RBMS2: variants seen among roughly 807,000 people sequenced by gnomAD.
RBMS2 encodes the protein RNA binding motif single stranded interacting protein 2.
A neutral mutation model predicts 58.4 loss-of-function variants in RBMS2; 38 were observed. That is an observed-to-expected ratio of 0.65 (90% confidence interval 0.50 to 0.85). The LOEUF is 0.85. Among genes scored for constraint, RBMS2 ranks in the 40% least tolerant of loss-of-function variants. The pLI, the probability that RBMS2 is intolerant of heterozygous loss-of-function variation, is 0.00. For missense variants in RBMS2, 367 were observed against 503.7 expected, an observed-to-expected ratio of 0.73 and a Z score of 2.60; for synonymous variants, 151 against 180.7, an observed-to-expected ratio of 0.84 and a Z score of 1.32.
chr12:56,595,132 G>C lies in RBMS2; in HGVS notation c.*5999G>C, dbSNP rs1374155819. On this transcript the variant is annotated 3_prime_UTR_variant, in exon 14 of 14. Transcript: ENST00000262031. ...GACACCAGCATAGGAGCAGAGTTTA[G>C]AACTTAAGAGGACAAGAAAGCTGCT... The C allele has an allele frequency of 6.6e-6, 1 of 152,174 alleles. No homozygotes were observed. The highest frequency in any genetic ancestry group is 1.5e-5 in the Non-Finnish European group (1 of 68,044). 9.4% of individuals were successfully genotyped at this position (152,174 alleles called of 1,614,324 possible).
chr12:56,526,617 T>G (rs1207476992), intron 1 of RBMS2, among the ~76,000 whole-genome samples: 9 of 142,810 alleles, frequency 6.3e-5, no homozygotes, highest in African/African-American at 1.3e-4. Flanking sequence ...TAATTTTGTG[T>G]TTTTTTTTTT....
intron 1 of RBMS2, among the ~76,000 whole-genome samples, chr12:56,535,560 C>T (rs7314300): frequency 0.42 from 62,804 of 150,878 alleles, 14,764 homozygotes; most frequent in East Asian, 0.6. Flanking sequence ...TATGACGGAA[C>T]TCTCAACTTG....
upstream of RBMS2, among the ~76,000 whole-genome samples, chr12:56,521,511 T>TTTTTTG (rs1270787700): frequency 6.8e-6 from 1 of 146,570 alleles, no homozygotes; most frequent in African/African-American, 2.5e-5. Context: ...TGTTTTTTTT[T>TTTTTTG]TTTTTTTTTT....
intron 1 of RBMS2, among the ~76,000 whole-genome samples, chr12:56,530,852 G>A (rs568829268): frequency 6.6e-6 from 1 of 151,984 alleles, no homozygotes; most frequent in African/African-American, 2.4e-5. Flanking sequence ...ATGGCCTTTC[G>A]TTTCATTTGT....
At position 56,592,512 on chromosome 12, in the gene RBMS2, A is replaced by T. The variant is rs1592529065; in HGVS notation, c.*3379A>T. On this transcript the variant is annotated 3_prime_UTR_variant, in exon 14 of 14. Transcript: ENST00000262031. ...GATGATGATGGAGAGAGATGTTTTTATTTTATTTTATTTTTTCAGACAGAG... is the reference window on the plus strand; with the variant it reads ...GATGATGATGGAGAGAGATGTTTTTTTTTTATTTTATTTTTTCAGACAGAG... 1 of 151,650 alleles carries T rather than the reference A, an allele frequency of 6.6e-6. No homozygotes were observed. The highest frequency in any genetic ancestry group is 1.5e-5 in the Non-Finnish European group (1 of 68,014). 9.4% of individuals were successfully genotyped at this position (151,650 alleles called of 1,614,324 possible). A position where few individuals can be genotyped will look rare whatever the true frequency, so the allele number is the denominator to read the frequency against.
At position 56,570,563 on chromosome 12, in the gene RBMS2, C is replaced by T. The variant is rs117619635; in HGVS notation, c.384+573C>T. 7.9e-3 allele frequency among the ~76,000 whole-genome samples: 1,207 copies of T among 152,080 alleles called. 6 individuals carry two copies. Among genetic ancestry groups the T allele is most frequent in the Non-Finnish European group, 0.013 (896 of 67,992 alleles). On this transcript the variant is annotated intron_variant, in intron 4 of 13. Coordinates refer to ENST00000262031, the MANE Select transcript of RBMS2 (RefSeq NM_002898.4). The stretch of plus-strand genomic sequence containing the variant: ...CTGTTAGGTGGGATTGTCTCCTTGC[C>T]TTTCTATTTTATTTTATTTATTTAT...
rs1003123084 is a variant in RBMS2 at position 56,595,323 on chromosome 12, G to C, written c.*6190G>C. 4.6e-5 allele frequency: 7 copies of C among 152,142 alleles called. No individual in the cohort carries two copies. Among genetic ancestry groups the C allele is most frequent in the African/African-American group, 1.7e-4 (7 of 41,404 alleles). 9.4% of individuals were successfully genotyped at this position (152,142 alleles called of 1,614,324 possible). ...AGGGTAATACATATCCAGCGCGAGT[G>C]AAGTCCCCACTCCAACATATACCCT... On this transcript the variant is annotated 3_prime_UTR_variant, in exon 14 of 14. Transcript: ENST00000262031.
intron 1 of RBMS2, among the ~76,000 whole-genome samples, chr12:56,552,680 G>A (rs997887537): frequency 4.6e-5 from 7 of 151,790 alleles, no homozygotes; most frequent in African/African-American, 7.3e-5. Context: ...GCAACATAGC[G>A]TGTCTCTACA....
chr12:56,573,939 C>T (rs1253887003), intron 5 of RBMS2, among the ~76,000 whole-genome samples: 1 of 152,144 alleles, frequency 6.6e-6, no homozygotes, highest in African/African-American at 2.4e-5. Flanking sequence ...CTCCCGGGTT[C>T]AAGTGATTCT....
chr12:56,571,928 T>A, intron 5 of RBMS2, 73 bp downstream of exon 5: 1 of 1,303,944 alleles, frequency 7.7e-7, no homozygotes. Context: ...GAAAACAAAA[T>A]CTATGCCTTT....
At chr12:56,555,845 C>A (rs963023208) in intron 1 of RBMS2, among the ~76,000 whole-genome samples, 16 of 152,038 alleles carry the variant, frequency 1.1e-4, no homozygotes, top group Non-Finnish European at 5.9e-5. Flanking sequence ...CTCACTCAGC[C>A]TCCCAAAATG....
intron 2 of RBMS2, among the ~76,000 whole-genome samples, chr12:56,568,371 C>T (rs1881717733): frequency 6.6e-6 from 1 of 152,154 alleles, no homozygotes; most frequent in Non-Finnish European, 1.5e-5. Flanking sequence ...AAGCTTCTTT[C>T]CCCAAAAGAC....
chr12:56,538,862 T>C (rs533524873), intron 1 of RBMS2, among the ~76,000 whole-genome samples: 28 of 152,318 alleles, frequency 1.8e-4, no homozygotes, highest in Middle Eastern at 3.4e-3. Context: ...CAATTTCTTT[T>C]AGTAATGTTT....
At chr12:56,535,595 C>G (rs548342354) in intron 1 of RBMS2, among the ~76,000 whole-genome samples, 1 of 152,072 alleles carries the variant, frequency 6.6e-6, no homozygotes, top group Non-Finnish European at 1.5e-5. Flanking sequence ...ACTTGGACTG[C>G]CCTCCTGTAT....
At chr12:56,547,362 C>A (rs7312441) in intron 1 of RBMS2, among the ~76,000 whole-genome samples, 49,696 of 150,148 alleles carry the variant, frequency 0.33, 8,443 homozygotes, top group South Asian at 0.52. Flanking sequence ...TCTGAAAAAA[C>A]AAAAATGAAA....
chr12:56,524,574 G>A lies in RBMS2; in HGVS notation c.66+2485G>A, dbSNP rs139578445. Among the ~76,000 whole-genome samples the A allele has an allele frequency of 5.6e-3, 850 of 151,454 alleles. 6 individuals carry two copies. The highest frequency in any genetic ancestry group is 0.018 in the African/African-American group (747 of 41,284). On this transcript the variant is annotated intron_variant, in intron 1 of 13. Transcript: ENST00000262031. ...GAACTACAGGAGTGCCACCACACCC[G>A]GACAATTTTTTTGTGTTCTTAGTAG... is the stretch of plus-strand genomic sequence containing the variant.
intron 5 of RBMS2, chr12:56,580,342 CTCACCT>C (rs1197889667): frequency 2.5e-6 from 1 of 398,104 alleles, no homozygotes; most frequent in South Asian, 1.8e-5. Flanking sequence ...AAGCGATTCT[CTCACCT>C]CTGCCTCCTG....
chr12:56,559,142 A>G (rs1879869577), intron 1 of RBMS2, among the ~76,000 whole-genome samples: 1 of 152,116 alleles, frequency 6.6e-6, no homozygotes, highest in Non-Finnish European at 1.5e-5. Flanking sequence ...TTGTTTTCTC[A>G]GCTAAGGATC....
In RBMS2 at chr12:56,588,487, C is replaced by T. The variant is rs1884988224; in HGVS notation, c.1143+113C>T. Reference sequence around the variant, plus strand: ...ATGCTGATTCTGTGTTCACAAATAGCTGGTAGGTATACGAAGAACGTAGGA... The same window carrying T: ...ATGCTGATTCTGTGTTCACAAATAGTTGGTAGGTATACGAAGAACGTAGGA... On this transcript the variant is annotated intron_variant, in intron 12 of 13. Coordinates refer to ENST00000262031, the MANE Select transcript of RBMS2 (RefSeq NM_002898.4). 3 of 1,014,858 alleles carry T rather than the reference C, an allele frequency of 3.0e-6. No individual in the cohort carries two copies. The African/African-American group carries it at 4.8e-5, about 16-fold the overall frequency. The allele number at this position is 1,014,858 out of a possible 1,614,324, so 62.9% of individuals were successfully genotyped here. A position where few individuals can be genotyped will look rare whatever the true frequency, so the allele number is the denominator to read the frequency against.
Sources: allele counts gnomAD v4.1 joint callset (sites outside exome capture counted in the v4.1 genomes callset), GRCh38; gene constraint gnomAD v4.1.1; transcripts MANE v1.5; gene names NCBI Gene and HGNC (gene_info 2026-07-23, HGNC 2026-07-21).